The following RNF180 variants were observed in gnomAD, a reference collection of about 807,000 sequenced individuals.
RNF180 encodes ring finger protein 180.
RNF180 carries 38 observed loss-of-function variants against 59.2 expected under a neutral mutation model. The ratio of observed to expected loss-of-function variants is 0.64; its 90% CI spans 0.50 to 0.84. The LOEUF (loss-of-function observed/expected upper bound fraction) is 0.84, where lower values mean the gene tolerates loss of function less well. Ranked by LOEUF, RNF180 falls within the 40% of genes least tolerant of loss-of-function variation. The probability of loss-of-function intolerance (pLI) is 0.00; values close to 1 mark genes in which losing one functional copy is unlikely to be tolerated. For synonymous variants in RNF180, 262 were observed against 240.3 expected (o/e 1.09, Z -0.84); for missense variants, 705 against 700.9 (o/e 1.01, Z -0.07).
chr5:64,218,740 A>G (rs896384346), intron 5 of RNF180, among the ~76,000 whole-genome samples: 8 of 152,284 alleles, frequency 5.3e-5, no homozygotes, highest in Admixed American at 3.3e-4. Flanking sequence ...GATTTCTTTC[A>G]TCAGCATTTT....
At chr5:64,255,613 G>A (rs528506196) in intron 5 of RNF180, among the ~76,000 whole-genome samples, 1 of 152,228 alleles carries the variant, frequency 6.6e-6, no homozygotes, top group African/African-American at 2.4e-5. Context: ...TGGACATTTG[G>A]GTTGGTTCCA....
At chr5:64,365,409 T>C (rs1746408365) in intron 7 of RNF180, among the ~76,000 whole-genome samples, 1 of 151,798 alleles carries the variant, frequency 6.6e-6, no homozygotes. Flanking sequence ...GGGAACTGTT[T>C]TATGTTCAAT....
chr5:64,349,702 C>T (rs192385789), intron 7 of RNF180, among the ~76,000 whole-genome samples: 2 of 152,094 alleles, frequency 1.3e-5, no homozygotes, highest in Admixed American at 1.3e-4. Context: ...GTTTTTTGTC[C>T]TTGTGATAGT....
chr5:64,288,687 C>T (rs953771619), intron 5 of RNF180, among the ~76,000 whole-genome samples: 1 of 152,080 alleles, frequency 6.6e-6, no homozygotes, highest in East Asian at 1.9e-4. Context: ...TGATTTGGCT[C>T]TCTGCCCACC....
intron 6 of RNF180, among the ~76,000 whole-genome samples, chr5:64,327,087 A>G (rs1276453223): frequency 1.3e-5 from 2 of 151,924 alleles, no homozygotes; most frequent in South Asian, 4.1e-4. Context: ...ATTTACTGGT[A>G]TATATTTTGT....
chr5:64,289,708 T>G (rs1052522032), intron 5 of RNF180, among the ~76,000 whole-genome samples: 9 of 152,292 alleles, frequency 5.9e-5, no homozygotes, highest in African/African-American at 1.7e-4. Context: ...CTGTTGGTTG[T>G]TTGTATTTCT....
chr5:64,234,796 T>C (rs1433412888), intron 5 of RNF180, among the ~76,000 whole-genome samples: 2 of 151,596 alleles, frequency 1.3e-5, no homozygotes, highest in African/African-American at 4.8e-5. Flanking sequence ...AGACAGGGTT[T>C]CACCGTGTTA....
At chr5:64,347,306 A>C (rs1745595131) in intron 7 of RNF180, among the ~76,000 whole-genome samples, 1 of 152,324 alleles carries the variant, frequency 6.6e-6, no homozygotes, top group East Asian at 1.9e-4. Context: ...GTCTATAAAA[A>C]ATTACATTCA....
chr5:64,258,124 A>G (rs572652071), intron 5 of RNF180, among the ~76,000 whole-genome samples: 1 of 152,316 alleles, frequency 6.6e-6, no homozygotes, highest in South Asian at 2.1e-4. Flanking sequence ...AGTGAGGCTG[A>G]GAAGAGAGAA....
At position 64,209,809 on chromosome 5, in the gene RNF180, G is replaced by A. The variant is rs573009182; in HGVS notation, c.136-2256G>A. On this transcript the variant is annotated intron_variant, in intron 2 of 7. Coordinates refer to ENST00000389100, the MANE Select transcript of RNF180 (RefSeq NM_001113561.2). The stretch of plus-strand genomic sequence containing the variant: ...TAGAGTTATGCTAATCTTCATAATT[G>A]TCAGCTCCTAATGAAAAGAGCTAGT... 6.3e-4 allele frequency among the ~76,000 whole-genome samples: 96 copies of A among 152,184 alleles called. 2 individuals carry two copies. The South Asian group carries it at 0.02, about 31-fold the overall frequency.
At chr5:64,169,817 G>A (rs937738033) in intron 1 of RNF180, among the ~76,000 whole-genome samples, 1 of 152,238 alleles carries the variant, frequency 6.6e-6, no homozygotes, top group Non-Finnish European at 1.5e-5. Context: ...GTCTTGTGCA[G>A]CTATAGCATT....
At chr5:64,232,286 A>G (rs1278451788) in intron 5 of RNF180, among the ~76,000 whole-genome samples, 1 of 152,184 alleles carries the variant, frequency 6.6e-6, no homozygotes, top group East Asian at 1.9e-4. Flanking sequence ...GTGGTTCTCA[A>G]ATGTTCATCT....
At chr5:64,221,470 AGT>A (rs1741330369) in intron 5 of RNF180, among the ~76,000 whole-genome samples, 1 of 152,104 alleles carries the variant, frequency 6.6e-6, no homozygotes, top group Non-Finnish European at 1.5e-5. Context: ...TTTCAGTATA[AGT>A]TTGTTACTCT....
chr5:64,177,563 A>ATG (rs1407791110), intron 1 of RNF180, among the ~76,000 whole-genome samples: 10 of 135,430 alleles, frequency 7.4e-5, no homozygotes, highest in Non-Finnish European at 1.6e-4. Context: ...ATATATATAT[A>ATG]TATGTATTTA....
chr5:64,290,700 T>G (rs183704792), intron 5 of RNF180, among the ~76,000 whole-genome samples: 356 of 152,316 alleles, frequency 2.3e-3, no homozygotes, highest in African/African-American at 8.2e-3. Context: ...CTGCAACCCC[T>G]GCCTTTTTCA....
chr5:64,313,778 G>A (rs930497952), intron 5 of RNF180, among the ~76,000 whole-genome samples: 2 of 152,068 alleles, frequency 1.3e-5, no homozygotes, highest in African/African-American at 4.8e-5. Flanking sequence ...CCAACAGTGT[G>A]TAAGTGTTCC....
At chr5:64,249,507 A>T (rs1346203094) in intron 5 of RNF180, among the ~76,000 whole-genome samples, 1 of 152,038 alleles carries the variant, frequency 6.6e-6, no homozygotes, top group East Asian at 1.9e-4. Context: ...TCCCAGACAA[A>T]CAGAATCTAA....
In RNF180 at chr5:64,369,081, T is replaced by C. The variant is rs566966836; in HGVS notation, c.1580-534T>C. 9.3e-3 allele frequency among the ~76,000 whole-genome samples: 1,415 copies of C among 151,808 alleles called. 21 individuals carry two copies. Among genetic ancestry groups the C allele is most frequent in the African/African-American group, 0.032 (1,344 of 41,454 alleles). ...AACCCAAATGTCCAACAATGATAGA[T>C]TGGATTAAGAAAATGTGGCACATAT... is the stretch of plus-strand genomic sequence containing the variant. On this transcript the variant is annotated intron_variant, in intron 7 of 7. Coordinates refer to ENST00000389100, the MANE Select transcript of RNF180 (RefSeq NM_001113561.2).
At chr5:64,182,701 A>G (rs1750667178) in intron 1 of RNF180, among the ~76,000 whole-genome samples, 1 of 152,218 alleles carries the variant, frequency 6.6e-6, no homozygotes, top group South Asian at 2.1e-4. Context: ...AGAATAAGTG[A>G]TAGCAAATTG....
Sources: allele counts gnomAD v4.1 joint callset (sites outside exome capture counted in the v4.1 genomes callset), GRCh38; gene constraint gnomAD v4.1.1; transcripts MANE v1.5; gene names NCBI Gene and HGNC (gene_info 2026-07-23, HGNC 2026-07-21).